ACSF2: variants seen among roughly 807,000 people sequenced by gnomAD.
ACSF2 encodes the protein medium-chain acyl-CoA ligase ACSF2, mitochondrial.
Under a neutral mutation model 79.3 loss-of-function variants are expected in ACSF2, and 52 were observed. The observed-to-expected ratio is 0.66, with a 90% CI of 0.53 to 0.83. The LOEUF is 0.83. Among genes scored for constraint, ACSF2 ranks in the 40% least tolerant of loss-of-function variants. The probability of loss-of-function intolerance (pLI) is 0.00; values close to 1 mark genes in which losing one functional copy is unlikely to be tolerated. For missense variants in ACSF2, 661 were observed against 803.3 expected (o/e 0.82, Z 2.14); for synonymous variants, 283 against 312.6 (o/e 0.91, Z 1.00).
intron 10 of ACSF2, chr17:50,464,657 G>A: frequency 4.2e-6 from 2 of 478,156 alleles, no homozygotes; most frequent in South Asian, 3.1e-5. Flanking sequence ...AGCAAGGGGT[G>A]GGGCAAGGAT....
Position 50,461,636 on chromosome 17 carries a change from T to G in ACSF2, c.457T>G (p.Ser153Ala). 1 of 1,614,050 alleles carries G rather than the reference T, an allele frequency of 6.2e-7. No homozygotes were observed. The highest frequency in any genetic ancestry group is 8.5e-7 in the Non-Finnish European group (1 of 1,179,976). Reference protein sequence around the residue: ...ATAQAGIILVSVNPAYQAMEL... With the variant: ...ATAQAGIILVAVNPAYQAMEL... ...ATGCCCTCGCCGCTTCCACCAGGTG[T>G]CTGTGAACCCAGCCTACCAGGCTAT... The change falls in exon 4 of 16, where the codon TCT (serine) becomes GCT (alanine). Residue 153 changes from serine (S) to alanine (A), a missense_variant. Coordinates refer to ENST00000300441, the MANE Select transcript of ACSF2 (RefSeq NM_025149.6).
chr17:50,440,156 A>G (rs575953064), intron 1 of ACSF2, among the ~76,000 whole-genome samples: 20 of 152,062 alleles, frequency 1.3e-4, no homozygotes, highest in Admixed American at 6.5e-5. Flanking sequence ...AGGCCAGTCC[A>G]TGGCTTGGAA....
chr17:50,450,794 T>C (rs890993479), intron 1 of ACSF2: 3 of 152,260 alleles, frequency 2.0e-5, no homozygotes. Flanking sequence ...ATTTGACCTC[T>C]GTAATCCAAA....
chr17:50,474,080 T>C lies in ACSF2; in HGVS notation c.1728+76T>C. On this transcript the variant is annotated intron_variant, in intron 14 of 15. Transcript: ENST00000300441. The surrounding 1 kb of genome is among the most constrained non-coding windows in gnomAD (Gnocchi z 4.2). ...CACTCCTCTGCCAACCAGCCCAGGG[T>C]GGGGATTGCTCTGCCCTTGACGAAG... 1 of 1,569,294 alleles carries C rather than the reference T, an allele frequency of 6.4e-7. No homozygotes were observed.
intron 1 of ACSF2, among the ~76,000 whole-genome samples, chr17:50,454,388 AAAG>A (rs2031865786): frequency 6.6e-6 from 1 of 152,068 alleles, no homozygotes; most frequent in African/African-American, 2.4e-5. Flanking sequence ...AAAGCAAAAA[AAAG>A]AAAAAAGAAA....
At chr17:50,441,373 C>T (rs1261782698) in intron 1 of ACSF2, among the ~76,000 whole-genome samples, 2 of 152,196 alleles carry the variant, frequency 1.3e-5, no homozygotes, top group Non-Finnish European at 2.9e-5. Flanking sequence ...TGGGGTTTCA[C>T]CATGTTGCCC....
At chr17:50,467,626 T>C (rs1191225106) in intron 10 of ACSF2, among the ~76,000 whole-genome samples, 1 of 152,108 alleles carries the variant, frequency 6.6e-6, no homozygotes, top group Non-Finnish European at 1.5e-5. Flanking sequence ...CCAGCTCCTC[T>C]GGAAGGCTCC....
chr17:50,470,893 G>A (rs1046428865), intron 10 of ACSF2, 135 bp from the exon 11 acceptor site: 21 of 678,472 alleles, frequency 3.1e-5, no homozygotes, highest in Non-Finnish European at 5.5e-5. Context: ...TACCAATGAT[G>A]TCTCTGTTTC....
Position 50,465,462 on chromosome 17 carries a change from G to T in ACSF2, c.1215+1168G>T, listed in dbSNP as rs567738541. On this transcript the variant is annotated intron_variant, in intron 10 of 15. Coordinates refer to ENST00000300441, the MANE Select transcript of ACSF2 (RefSeq NM_025149.6). ...CACCTGGAGAGACAGAAACTTGCTG[G>T]GGCTGGGGAAGAAGGTGGGAGTGCT... 3.1e-6 allele frequency: 5 copies of T among 1,612,778 alleles called. No individual in the cohort carries two copies. In the African/African-American group the frequency reaches 5.3e-5, roughly 17 times the overall value.
In ACSF2 at chr17:50,474,412, C is replaced by A; in HGVS notation, c.1798-90C>A. On this transcript the variant is annotated intron_variant, in intron 15 of 15. Transcript: ENST00000300441. The surrounding 1 kb of genome is among the most constrained non-coding windows in gnomAD (Gnocchi z 4.2). ...TAATCCTGGTTTGCCTGGGGACTTT[C>A]CCTGTTTTGGCACTAAGAGCCTGAG... 6.5e-7 allele frequency: 1 copy of A among 1,529,996 alleles called. No individual in the cohort carries two copies. Among genetic ancestry groups the A allele is most frequent in the Non-Finnish European group, 9.0e-7 (1 of 1,105,976 alleles). The allele number at this position is 1,529,996 out of a possible 1,614,324, so 94.8% of individuals were successfully genotyped here.
chr17:50,439,869 A>G (rs1045812674), intron 1 of ACSF2, among the ~76,000 whole-genome samples: 1 of 152,084 alleles, frequency 6.6e-6, no homozygotes, highest in Non-Finnish European at 1.5e-5. Flanking sequence ...TTTAATTTAT[A>G]CTTCCCTGAT....
intron 10 of ACSF2, chr17:50,468,440 A>AG: frequency 6.2e-7 from 1 of 1,614,270 alleles, no homozygotes; most frequent in Non-Finnish European, 8.5e-7. Flanking sequence ...GAGGTAGGTC[A>AG]GCTCGGTCAG....
At chr17:50,444,435 G>A (rs1473648990) in intron 1 of ACSF2, among the ~76,000 whole-genome samples, 2 of 151,928 alleles carry the variant, frequency 1.3e-5, no homozygotes, top group Admixed American at 1.3e-4. Flanking sequence ...CATGCCTGTA[G>A]TCCCAGCTAC....
At chr17:50,454,544 C>T (rs117829091) in intron 1 of ACSF2, among the ~76,000 whole-genome samples, 9 of 152,086 alleles carry the variant, frequency 5.9e-5, no homozygotes, top group East Asian at 1.9e-4. Flanking sequence ...ATTCTTTTCC[C>T]GTCACAAGCA....
At chr17:50,437,387 C>T (rs2030518978) in intron 1 of ACSF2, among the ~76,000 whole-genome samples, 3 of 152,148 alleles carry the variant, frequency 2.0e-5, no homozygotes, top group Admixed American at 6.6e-5. Flanking sequence ...CAATGGCTTA[C>T]GCCTGTAATC....
chr17:50,462,055 G>A (rs1376957444), intron 4 of ACSF2, 129 bp from the exon 5 acceptor site: 7 of 740,094 alleles, frequency 9.5e-6, no homozygotes, highest in African/African-American at 3.5e-5. Context: ...TGGTGCCTGT[G>A]AGTGTGCTGG....
intron 1 of ACSF2, among the ~76,000 whole-genome samples, chr17:50,436,660 C>CT (rs1451456432): frequency 6.7e-6 from 1 of 150,184 alleles, no homozygotes; most frequent in African/African-American, 2.5e-5. Flanking sequence ...TCTTGAACTC[C>CT]TGACCTCAGG....
At chr17:50,472,110 C>T (rs533320398) in intron 11 of ACSF2, 31 of 330,754 alleles carry the variant, frequency 9.4e-5, no homozygotes, top group Admixed American at 2.7e-4. Flanking sequence ...CTCCTCTGCA[C>T]GGTTTATAAT....
intron 1 of ACSF2, among the ~76,000 whole-genome samples, chr17:50,430,959 T>C (rs1401416357): frequency 6.6e-6 from 1 of 152,180 alleles, no homozygotes; most frequent in African/African-American, 2.4e-5. Flanking sequence ...TGACCAACAG[T>C]TTACACACAC....
Sources: gnomAD v4.1 joint callset for allele counts (sites outside exome capture counted in the v4.1 genomes callset) on GRCh38, gnomAD v4.1.1 for gene constraint, Gnocchi (gnomAD v3.1) non-coding constraint, MANE v1.5 for transcripts, NCBI Gene and HGNC (gene_info 2026-07-23, HGNC 2026-07-21) for gene names.